The following ATP6V0D2 variants were observed in gnomAD, a reference collection of about 807,000 sequenced individuals.
ATP6V0D2 encodes V-type proton ATPase subunit d 2.
ATP6V0D2 carries 40 observed loss-of-function variants against 40.0 expected under a neutral mutation model. That is an observed-to-expected ratio of 1.00 (90% CI 0.78 to 1.30). ATP6V0D2 has a LOEUF of 1.30. Ranked by LOEUF, ATP6V0D2 falls within the 50% of genes most tolerant of loss-of-function variation. The pLI is 0.00. For synonymous variants in ATP6V0D2, 179 were observed against 156.3 expected (o/e 1.15, Z -1.08); for missense variants, 470 against 423.1 (o/e 1.11, Z -0.97).
At chr8:86,099,263 A>G (rs149752599) in intron 1 of ATP6V0D2, among the ~76,000 whole-genome samples, 155 bp downstream of exon 1, 1 of 152,206 alleles carries the variant, frequency 6.6e-6, no homozygotes, top group African/African-American at 2.4e-5. Context: ...GGGTCCATAA[A>G]CTTGAATGAG....
chr8:86,125,341 T>A (rs1330212567), intron 2 of ATP6V0D2, among the ~76,000 whole-genome samples: 1 of 152,306 alleles, frequency 6.6e-6, no homozygotes, highest in East Asian at 1.9e-4. Context: ...AGTTGTTTAG[T>A]TTAAGAGATT....
At chr8:86,115,097 G>A (rs1254554996) in intron 2 of ATP6V0D2, among the ~76,000 whole-genome samples, 1 of 152,104 alleles carries the variant, frequency 6.6e-6, no homozygotes, top group East Asian at 1.9e-4. Context: ...CTGGGCGTTG[G>A]CTGTATGAAA....
chr8:86,101,063 C>A (rs1458989306), intron 1 of ATP6V0D2, among the ~76,000 whole-genome samples: 1 of 150,438 alleles, frequency 6.6e-6, no homozygotes, highest in Non-Finnish European at 1.5e-5. Flanking sequence ...AGGAGAATTT[C>A]TTGAACCTGG....
chr8:86,105,621 CTTTT>C (rs757847208), intron 1 of ATP6V0D2, among the ~76,000 whole-genome samples: 1 of 133,310 alleles, frequency 7.5e-6, no homozygotes, highest in East Asian at 2.2e-4. Flanking sequence ...TTTTTCTTTT[CTTTT>C]TTTTTTTTTT....
chr8:86,119,225 A>G (rs1226186702), intron 2 of ATP6V0D2, among the ~76,000 whole-genome samples: 1 of 145,308 alleles, frequency 6.9e-6, no homozygotes, highest in African/African-American at 2.5e-5. Context: ...TTTCCTAATC[A>G]TAGGATCTTT....
Position 86,152,417 on chromosome 8 carries a change from A to C in ATP6V0D2, c.892-399A>C, listed in dbSNP as rs185427343. ...AGGTGTCTTTATAGTAGGATGATTT[A>C]TAATCTTTTAGGTATATACCCAGTA... is the stretch of plus-strand genomic sequence containing the variant. On this transcript the variant is annotated intron_variant, in intron 7 of 7. Transcript: ENST00000285393. Among the ~76,000 whole-genome samples the C allele has an allele frequency of 6.3e-4, 96 of 152,332 alleles. 1 individual carries two copies. In the South Asian group the frequency reaches 0.012, roughly 20 times the overall value.
chr8:86,128,231 C>T (rs1385281498), intron 2 of ATP6V0D2, among the ~76,000 whole-genome samples: 2 of 152,124 alleles, frequency 1.3e-5, no homozygotes, highest in Non-Finnish European at 2.9e-5. Context: ...TGCCTGTAAT[C>T]CCAGCTACTC....
intron 1 of ATP6V0D2, among the ~76,000 whole-genome samples, chr8:86,108,785 A>G (rs368357679): frequency 6.6e-6 from 1 of 152,190 alleles, no homozygotes; most frequent in Non-Finnish European, 1.5e-5. Context: ...GACAATAACC[A>G]TGAAGTCTAA....
intron 7 of ATP6V0D2, among the ~76,000 whole-genome samples, chr8:86,152,515 G>A (rs1031308613): frequency 6.6e-6 from 1 of 152,184 alleles, no homozygotes; most frequent in Non-Finnish European, 1.5e-5. Context: ...TTCCACAATG[G>A]TTGAACTAAT....
At position 86,139,401 on chromosome 8, in the gene ATP6V0D2, A is replaced by T. The variant is rs187425121; in HGVS notation, c.303-56A>T. 369 of 1,453,808 alleles carry T rather than the reference A, an allele frequency of 2.5e-4. 2 individuals carry two copies. Among genetic ancestry groups the T allele is most frequent in the Admixed American group, 2.2e-4 (10 of 45,990 alleles). 90.1% of individuals were successfully genotyped at this position (1,453,808 alleles called of 1,614,324 possible). On this transcript the variant is annotated intron_variant, in intron 2 of 7. Transcript: ENST00000285393. ...AGAGTGTGTGTTTTTTACTTGTGGGATGCTTCTTATCCTTTTGCAGCTGTC... is the reference window on the plus strand; with the variant it reads ...AGAGTGTGTGTTTTTTACTTGTGGGTTGCTTCTTATCCTTTTGCAGCTGTC...
At chr8:86,111,029 A>C (rs13274057) in intron 1 of ATP6V0D2, among the ~76,000 whole-genome samples, 77,767 of 151,772 alleles carry the variant, frequency 0.51, 20,279 homozygotes, top group Non-Finnish European at 0.57. Flanking sequence ...AAATACAATA[A>C]ATTGTTATTT....
At chr8:86,127,852 C>T (rs1419425856) in intron 2 of ATP6V0D2, among the ~76,000 whole-genome samples, 1 of 152,168 alleles carries the variant, frequency 6.6e-6, no homozygotes, top group Non-Finnish European at 1.5e-5. Context: ...TTACATGTTG[C>T]AGATGAAGGA....
chr8:86,145,285 G>GA (rs1437535320), intron 5 of ATP6V0D2, among the ~76,000 whole-genome samples: 2 of 79,934 alleles, frequency 2.5e-5, no homozygotes, highest in African/African-American at 9.6e-5. Context: ...AAGAAAGAAA[G>GA]AAAGAAAGAA....
In ATP6V0D2 at chr8:86,152,836, A is replaced by G. The variant is rs1171812723; in HGVS notation, c.912A>G (p.Ala304=). Residue 304 remains alanine, a synonymous_variant, in exon 8 of 8, where the codon GCA becomes GCG. Coordinates refer to ENST00000285393, the MANE Select transcript of ATP6V0D2 (RefSeq NM_152565.1). ...YEREVQMNVL[A]FNRQFHYGVF... ...CTCAGGTACAAATGAATGTGCTGGC[A>G]TTCAACAGACAGTTCCACTACGGTG... 1 of 1,596,436 alleles carries G rather than the reference A, an allele frequency of 6.3e-7. No individual in the cohort carries two copies. Among genetic ancestry groups the G allele is most frequent in the Admixed American group, 1.8e-5 (1 of 54,960 alleles).
At chr8:86,146,388 T>C (rs1819068758) in intron 5 of ATP6V0D2, among the ~76,000 whole-genome samples, 1 of 152,050 alleles carries the variant, frequency 6.6e-6, no homozygotes, top group Non-Finnish European at 1.5e-5. Context: ...TGTTTGTTTG[T>C]TTCAAACAGC....
Position 86,150,271 on chromosome 8 carries a change from G to T in ATP6V0D2, c.799G>T (p.Val267Leu), listed in dbSNP as rs1343831181. ...AGAAGACTTTGACCAGATGAAGAAC[G>T]TAGCGGATCATTACGGAGTATGTGA... ...QAEDFDQMKN[V>L]ADHYGVYKPL... Residue 267 changes from valine (V) to leucine (L), a missense_variant, in exon 6 of 8, where the codon GTA (valine) becomes TTA (leucine). Physicochemically the swap from Val to Leu is conservative, Grantham distance 32. Transcript: ENST00000285393. 2 of 1,613,300 alleles carry T rather than the reference G, an allele frequency of 1.2e-6. No homozygotes were observed. The highest frequency in any genetic ancestry group is 2.2e-5 in the South Asian group (2 of 91,024).
Position 86,139,584 on chromosome 8 carries a change from G to T in ATP6V0D2, c.430G>T (p.Ala144Ser). 2.5e-6 allele frequency: 4 copies of T among 1,613,436 alleles called. No homozygotes were observed. Among genetic ancestry groups the T allele is most frequent in the Non-Finnish European group, 3.4e-6 (4 of 1,179,738 alleles). ...RFTEMEAVNI[A>S]ETPSDLFNAI... ...CACAGAAATGGAAGCTGTCAACATT[G>T]CAGAGACACCTTCAGATCTCTTTAA... Residue 144 changes from alanine (A) to serine (S), a missense_variant, in exon 3 of 8, where the codon GCA (alanine) becomes TCA (serine). Transcript: ENST00000285393.
intron 4 of ATP6V0D2, 27 bp from the exon 5 acceptor site, chr8:86,142,850 C>A (rs778529579): frequency 2.2e-6 from 3 of 1,389,376 alleles, no homozygotes; most frequent in Non-Finnish European, 3.0e-6. Flanking sequence ...TTCATTATAT[C>A]ACTTTATGAT....
At chr8:86,141,255 A>G (rs1818967584) in intron 3 of ATP6V0D2, among the ~76,000 whole-genome samples, 195 bp from the exon 4 acceptor site, 1 of 152,184 alleles carries the variant, frequency 6.6e-6, no homozygotes, top group South Asian at 2.1e-4. Flanking sequence ...TAGGGCTTAC[A>G]CATGATAAAT....
Sources: gnomAD v4.1 joint callset for allele counts (sites outside exome capture counted in the v4.1 genomes callset) on GRCh38, gnomAD v4.1.1 for gene constraint, MANE v1.5 for transcripts, NCBI Gene and HGNC (gene_info 2026-07-23, HGNC 2026-07-21) for gene names.